The following IQGAP1 variants were observed in gnomAD, a reference collection of about 807,000 sequenced individuals.
The protein encoded by IQGAP1 is ras GTPase-activating-like protein IQGAP1.
IQGAP1 carries 66 observed loss-of-function variants against 215.6 expected under a neutral mutation model. The ratio of observed to expected loss-of-function variants is 0.31; its 90% CI spans 0.25 to 0.38. IQGAP1 has a LOEUF of 0.38. IQGAP1 is among the 10% of genes least tolerant of loss of function. IQGAP1 has a pLI of 1.00. For synonymous variants in IQGAP1, 772 were observed against 728.7 expected (o/e 1.06, Z -0.96); for missense variants, 1,712 against 1,997.1 (o/e 0.86, Z 2.72).
At chr15:90,419,485 G>A (rs1289548571) in intron 2 of IQGAP1, among the ~76,000 whole-genome samples, 2 of 152,150 alleles carry the variant, frequency 1.3e-5, no homozygotes, top group African/African-American at 4.8e-5. Context: ...TGCTAAAGCA[G>A]TTCTGGGGTT....
intron 2 of IQGAP1, among the ~76,000 whole-genome samples, chr15:90,396,719 A>C (rs1469221307): frequency 6.6e-6 from 1 of 152,188 alleles, no homozygotes; most frequent in African/African-American, 2.4e-5. Flanking sequence ...TGCATTTAAA[A>C]GTGTATTTAT....
chr15:90,447,635 TA>T (rs1203629200), intron 9 of IQGAP1, among the ~76,000 whole-genome samples: 10 of 152,202 alleles, frequency 6.6e-5, no homozygotes, highest in African/African-American at 2.4e-4. Context: ...AGTAAAAAAG[TA>T]ATTATGATTC....
intron 2 of IQGAP1, among the ~76,000 whole-genome samples, chr15:90,411,034 G>A (rs1020272029): frequency 1.3e-5 from 2 of 151,964 alleles, no homozygotes; most frequent in African/African-American, 2.4e-5. Context: ...TTTTAATTGG[G>A]TATCTTTTTT....
At chr15:90,421,477 A>G (rs952963898) in intron 2 of IQGAP1, among the ~76,000 whole-genome samples, 3 of 98,320 alleles carry the variant, frequency 3.1e-5, no homozygotes, top group African/African-American at 1.1e-4. Context: ...CTCCGTTTCA[A>G]AAAAAAAAAA....
intron 2 of IQGAP1, among the ~76,000 whole-genome samples, chr15:90,392,536 T>C (rs1964649523): frequency 6.6e-6 from 1 of 152,144 alleles, no homozygotes; most frequent in South Asian, 2.1e-4. Context: ...CCTTCCCCCA[T>C]CCAAAGTAGC....
chr15:90,499,183 A>T lies in IQGAP1; in HGVS notation c.4861-812A>T, dbSNP rs79549966. Among the ~76,000 whole-genome samples the T allele has an allele frequency of 8.6e-3, 1,306 of 152,302 alleles. 38 individuals carry two copies. The East Asian group carries it at 0.1, about 12-fold the overall frequency. ...ACCACTCTTATAAAGTTCAGAAGTG[A>T]GACCACTCAGATTTCTTAAACTTGT... On this transcript the variant is annotated intron_variant, in intron 37 of 37. Coordinates refer to ENST00000268182, the MANE Select transcript of IQGAP1 (RefSeq NM_003870.4).
chr15:90,409,263 G>T (rs1964923636), intron 2 of IQGAP1, among the ~76,000 whole-genome samples: 1 of 137,682 alleles, frequency 7.3e-6, no homozygotes. Flanking sequence ...TTTTAGATAA[G>T]GTCTGGCTCT....
intron 30 of IQGAP1, 47 bp downstream of exon 30, chr15:90,484,399 A>T: frequency 6.6e-7 from 1 of 1,509,748 alleles, no homozygotes; most frequent in Non-Finnish European, 9.1e-7. Context: ...CTTAATTATT[A>T]TCCCTGGCTG....
At chr15:90,465,102 A>G (rs1965812691) in intron 15 of IQGAP1, among the ~76,000 whole-genome samples, 3 of 152,206 alleles carry the variant, frequency 2.0e-5, no homozygotes, top group African/African-American at 4.8e-5. Context: ...AACATTCATT[A>G]TATTTCTGTG....
chr15:90,426,806 A>C (rs1378247049), intron 3 of IQGAP1, among the ~76,000 whole-genome samples: 1 of 151,862 alleles, frequency 6.6e-6, no homozygotes, highest in Non-Finnish European at 1.5e-5. Flanking sequence ...TACAAAAATT[A>C]GCCGGGCGTG....
intron 2 of IQGAP1, among the ~76,000 whole-genome samples, chr15:90,401,710 C>T (rs985869331): frequency 5.9e-5 from 9 of 152,214 alleles, no homozygotes; most frequent in African/African-American, 2.2e-4. Flanking sequence ...GAGGTTAACT[C>T]ATTCATCTAA....
chr15:90,420,994 A>T (rs1052957739), intron 2 of IQGAP1, among the ~76,000 whole-genome samples: 1 of 151,928 alleles, frequency 6.6e-6, no homozygotes, highest in African/African-American at 2.4e-5. Context: ...CTCTACTAAG[A>T]TGTACAAAAA....
rs1276362322 is a variant in IQGAP1, at chr15:90,444,287, A to AT, written c.913+810dup. Among the ~76,000 whole-genome samples the AT allele has an allele frequency of 2.6e-3, 236 of 91,046 alleles. 4 individuals are homozygous for AT. Among genetic ancestry groups the AT allele is most frequent in the East Asian group, 0.01 (37 of 3,694 alleles). The allele number at this position is 91,046 out of a possible 152,430, so 59.7% of individuals were successfully genotyped here. Reference sequence around the variant, plus strand: ...TGTGTGTGTGTGTGTGTGTATATATATATTTTTTTTTTTCTTTAAGAGACA... The same window carrying AT: ...TGTGTGTGTGTGTGTGTGTATATATATTATTTTTTTTTTTCTTTAAGAGACA... On this transcript the variant is annotated intron_variant, in intron 9 of 37. Coordinates refer to ENST00000268182, the MANE Select transcript of IQGAP1 (RefSeq NM_003870.4).
chr15:90,412,127 A>T, intron 2 of IQGAP1, among the ~76,000 whole-genome samples: 1 of 152,224 alleles, frequency 6.6e-6, no homozygotes, highest in Non-Finnish European at 1.5e-5. Context: ...GCTAAGAATG[A>T]AGTGATTTGC....
chr15:90,494,591 T>C, intron 35 of IQGAP1, 122 bp from the exon 36 acceptor site: 4 of 689,258 alleles, frequency 5.8e-6, no homozygotes, highest in Non-Finnish European at 9.4e-6. Context: ...ATTTTAGAGT[T>C]GGTATGTTAC....
At chr15:90,442,451 G>GA (rs60524564) in intron 8 of IQGAP1, among the ~76,000 whole-genome samples, 14 of 149,426 alleles carry the variant, frequency 9.4e-5, no homozygotes, top group East Asian at 2.0e-4. Flanking sequence ...TCTCGGGGGG[G>GA]AAAAAAAAAA....
chr15:90,419,140 G>GAAAAAAAA (rs200209041), intron 2 of IQGAP1, among the ~76,000 whole-genome samples: 1 of 112,148 alleles, frequency 8.9e-6, no homozygotes, highest in Non-Finnish European at 2.0e-5. Context: ...TCTCAAAAAA[G>GAAAAAAAA]AAAAAAAAAA....
chr15:90,393,667 A>G (rs575493350), intron 2 of IQGAP1: 9 of 152,086 alleles, frequency 5.9e-5, no homozygotes, highest in Admixed American at 1.3e-4. Context: ...ACTTCATCCT[A>G]TTTCTTCATC....
chr15:90,388,700 A>G (rs1033056608), intron 1 of IQGAP1, among the ~76,000 whole-genome samples: 2 of 151,978 alleles, frequency 1.3e-5, no homozygotes, highest in Non-Finnish European at 2.9e-5. Context: ...AAGACGGCCT[A>G]GAGTGAGGTG....
Sources: gnomAD v4.1 joint callset for allele counts (sites outside exome capture counted in the v4.1 genomes callset) on GRCh38, gnomAD v4.1.1 for gene constraint, MANE v1.5 for transcripts, NCBI Gene and HGNC (gene_info 2026-07-23, HGNC 2026-07-21) for gene names.